ARHGEF18: variants seen among roughly 807,000 people sequenced by gnomAD.
ARHGEF18 encodes rho guanine nucleotide exchange factor 18.
Under a neutral mutation model 155.7 loss-of-function variants are expected in ARHGEF18, and 93 were observed. The observed-to-expected ratio is 0.60, with a 90% CI of 0.50 to 0.71. The LOEUF (loss-of-function observed/expected upper bound fraction) is 0.71. Among genes scored for constraint, ARHGEF18 ranks in the 30% least tolerant of loss-of-function variants. The pLI, the probability that ARHGEF18 is intolerant of heterozygous loss-of-function variation, is 0.00. For synonymous variants in ARHGEF18, 742 were observed against 753.1 expected (o/e 0.99, Z 0.24); for missense variants, 1,593 against 1,816.1 (o/e 0.88, Z 2.23).
At chr19:7,352,764 A>C (rs185336154) in intron 1 of ARHGEF18, among the ~76,000 whole-genome samples, 5 of 144,904 alleles carry the variant, frequency 3.5e-5, no homozygotes, top group African/African-American at 1.3e-4. Flanking sequence ...CGATCTCCTG[A>C]CCTCATGATC....
intron 18 of ARHGEF18, among the ~76,000 whole-genome samples, chr19:7,458,020 C>A (rs1975955168): frequency 6.6e-6 from 1 of 152,070 alleles, no homozygotes; most frequent in Non-Finnish European, 1.5e-5. Flanking sequence ...GGCAAGATGG[C>A]TCACTCCTGT....
intron 3 of ARHGEF18, among the ~76,000 whole-genome samples, chr19:7,373,860 T>G (rs1206125165): frequency 6.7e-6 from 1 of 149,880 alleles, no homozygotes; most frequent in African/African-American, 2.5e-5. Context: ...TTTTTTTTTT[T>G]TTTTTTTTGA....
chr19:7,370,965 C>T (rs560458334), intron 2 of ARHGEF18, among the ~76,000 whole-genome samples: 2 of 150,938 alleles, frequency 1.3e-5, no homozygotes, highest in African/African-American at 4.9e-5. Context: ...GGCTGGAGTG[C>T]GATAGCATGA....
In ARHGEF18 at chr19:7,468,936, G is replaced by A; in HGVS notation, c.3592G>A (p.Ala1198Thr). The A allele has an allele frequency of 6.3e-7, 1 of 1,575,390 alleles. No individual in the cohort carries two copies. The highest frequency in any genetic ancestry group is 8.6e-7 in the Non-Finnish European group (1 of 1,162,042). Residue 1198 changes from alanine to threonine, a missense_variant, in exon 27 of 29, where the codon GCT becomes ACT. Physicochemically the swap from Ala to Thr is moderately conservative, Grantham distance 58 (BLOSUM62 0). Coordinates refer to ENST00000668164, the MANE Select transcript of ARHGEF18 (RefSeq NM_001367823.1). ...AGAGTACGCAGAGCGCCCCGAGGTGGCTCGCCGGGACAGCGCCCCCACCGA... is the reference window on the plus strand; with the variant it reads ...AGAGTACGCAGAGCGCCCCGAGGTGACTCGCCGGGACAGCGCCCCCACCGA... ...GPEYAERPEV[A>T]RRDSAPTENR...
At chr19:7,432,425 GACCAGGCCTTGAA>G (rs1737988827) in intron 10 of ARHGEF18, among the ~76,000 whole-genome samples, 1 of 152,176 alleles carries the variant, frequency 6.6e-6, no homozygotes, top group African/African-American at 2.4e-5. Context: ...TTATTTCTGA[GACCAGGCCTTGAA>G]ACCGAGGTGC....
chr19:7,460,799 T>C (rs1976190177), intron 20 of ARHGEF18, among the ~76,000 whole-genome samples: 1 of 151,694 alleles, frequency 6.6e-6, no homozygotes, highest in African/African-American at 2.4e-5. Context: ...TTATCTTCTT[T>C]TTTTTTTTTA....
At chr19:7,478,553 T>G in the ARHGEF18 span, among the ~76,000 whole-genome samples, 1 of 152,200 alleles carries the variant, frequency 6.6e-6, no homozygotes, top group East Asian at 1.9e-4. Context: ...TCCCGGGGAC[T>G]CATCTCTAAC....
At chr19:7,381,022 G>T (rs1483104185) in intron 8 of ARHGEF18, 28 bp downstream of exon 8, 3 of 1,230,138 alleles carry the variant, frequency 2.4e-6, no homozygotes, top group South Asian at 8.2e-5. Flanking sequence ...CTTCTGGGGA[G>T]GGCAGCCTTG....
In ARHGEF18 at chr19:7,385,869, CT is replaced by C. The variant is rs1362953850; in HGVS notation, c.967+2667del. Among the ~76,000 whole-genome samples, 49 of 75,584 alleles carry C rather than the reference CT, an allele frequency of 6.5e-4. 1 individual carries two copies. Among genetic ancestry groups the C allele is most frequent in the African/African-American group, 2.7e-3 (36 of 13,308 alleles). The allele number at this position is 75,584 out of a possible 152,430, so 49.6% of individuals were successfully genotyped here. A position where few individuals can be genotyped will look rare whatever the true frequency, so the allele number is the denominator to read the frequency against. On this transcript the variant is annotated intron_variant, in intron 10 of 28. Coordinates refer to ENST00000668164, the MANE Select transcript of ARHGEF18 (RefSeq NM_001367823.1). ...TCTCTCTCTCTCTCTCTCTCTCTCT[CT>C]CCCCCCTCCCTCTCTCCCTCCCTCC...
chr19:7,466,986 C>T lies in ARHGEF18; in HGVS notation c.2961+12C>T, dbSNP rs1976665017. 2 of 1,613,266 alleles carry T rather than the reference C, an allele frequency of 1.2e-6. No homozygotes were observed. Among genetic ancestry groups the T allele is most frequent in the South Asian group, 1.1e-5 (1 of 91,080 alleles). Reference sequence around the variant, plus strand: ...TCCTGGAGTCGGAGGTAGGCGCCCGCGGGTCTCCATCTCCCCAGGGCCTTG... The same window carrying T: ...TCCTGGAGTCGGAGGTAGGCGCCCGTGGGTCTCCATCTCCCCAGGGCCTTG... On this transcript the variant is annotated intron_variant, in intron 24 of 28. Coordinates refer to ENST00000668164, the MANE Select transcript of ARHGEF18 (RefSeq NM_001367823.1).
chr19:7,458,210 C>T (rs963548901), intron 18 of ARHGEF18, among the ~76,000 whole-genome samples: 1 of 150,760 alleles, frequency 6.6e-6, no homozygotes, highest in African/African-American at 2.4e-5. Context: ...TCACTTGAGC[C>T]CAGGAGGTCA....
At chr19:7,439,616 G>A in intron 10 of ARHGEF18, 1 of 1,021,844 alleles carries the variant, frequency 9.8e-7, no homozygotes, top group Non-Finnish European at 1.2e-6. Context: ...ATCACCATAT[G>A]GAACAGAATC....
intron 13 of ARHGEF18, among the ~76,000 whole-genome samples, chr19:7,443,065 T>C (rs1469774484): frequency 1.4e-5 from 2 of 142,808 alleles, no homozygotes; most frequent in African/African-American, 2.6e-5. Flanking sequence ...ATTTTTTTTT[T>C]TTTTTTTTTT....
At chr19:7,457,351 C>CTTTTTTTTT (rs1427736673) in intron 18 of ARHGEF18, among the ~76,000 whole-genome samples, 2 of 126,742 alleles carry the variant, frequency 1.6e-5, no homozygotes, top group Non-Finnish European at 3.1e-5. Flanking sequence ...ATAATCACCT[C>CTTTTTTTTT]TCTTTTTTTT....
intron 16 of ARHGEF18, among the ~76,000 whole-genome samples, chr19:7,453,123 T>A (rs558384695): frequency 6.6e-6 from 1 of 152,072 alleles, no homozygotes; most frequent in South Asian, 2.1e-4. Flanking sequence ...CGCTTGAACC[T>A]GGGAGACAGG....
chr19:7,453,214 C>G (rs73921432), intron 16 of ARHGEF18, among the ~76,000 whole-genome samples: 3 of 150,558 alleles, frequency 2.0e-5, no homozygotes, highest in African/African-American at 7.4e-5. Context: ...CTCCCCCCCC[C>G]AAAAAAAACC....
Position 7,380,951 on chromosome 19 carries a change from G to T in ARHGEF18, c.679G>T (p.Gly227Ter), listed in dbSNP as rs572768191. The T allele has an allele frequency of 8.1e-7, 1 of 1,232,070 alleles. No homozygotes were observed. The highest frequency in any genetic ancestry group is 1.0e-6 in the Non-Finnish European group (1 of 987,998). 76.3% of individuals were successfully genotyped at this position (1,232,070 alleles called of 1,614,324 possible). Residue 227 changes from glycine (G) to a stop codon, truncating the protein, a stop_gained, in exon 8 of 29, where the codon GGA becomes TGA. Transcript: ENST00000668164. LOFTEE classifies it high-confidence loss of function. ...GAGGGCTTGCATGTCAGCCAGCCCC[G>T]GAGGAGCCCACTCGAACCTGACCTG... ...RQRACMSASP[G>*]GAHSNLTWFE...
intron 10 of ARHGEF18, among the ~76,000 whole-genome samples, chr19:7,415,235 T>TC (rs1192926761): frequency 6.6e-6 from 1 of 152,050 alleles, no homozygotes; most frequent in Non-Finnish European, 1.5e-5. Flanking sequence ...TCCTGGGTTC[T>TC]CCCGGGCTTC....
At chr19:7,371,951 C>T (rs1970227093) in intron 2 of ARHGEF18, among the ~76,000 whole-genome samples, 1 of 152,186 alleles carries the variant, frequency 6.6e-6, no homozygotes, top group Non-Finnish European at 1.5e-5. Flanking sequence ...CCCTGCGTAG[C>T]TCCTCCTTCC....
Sources: allele counts gnomAD v4.1 joint callset (sites outside exome capture counted in the v4.1 genomes callset), GRCh38; gene constraint gnomAD v4.1.1; transcripts MANE v1.5; gene names NCBI Gene and HGNC (gene_info 2026-07-23, HGNC 2026-07-21).